The following ERICH5 variants were observed in gnomAD, a reference collection of about 807,000 sequenced individuals.
ERICH5 encodes the protein glutamate-rich protein 5.
A neutral mutation model predicts 28.0 loss-of-function variants in ERICH5; 24 were observed. The ratio of observed to expected loss-of-function variants is 0.86; its 90% confidence interval spans 0.62 to 1.21. The LOEUF (loss-of-function observed/expected upper bound fraction) is 1.21, where lower values mean the gene tolerates loss of function less well. Ranked by LOEUF, ERICH5 falls within the 50% of genes most tolerant of loss-of-function variation. ERICH5 has a pLI of 0.00. For missense variants in ERICH5, 421 were observed against 441.2 expected (o/e 0.95, Z 0.41); for synonymous variants, 163 against 157.6 (o/e 1.03, Z -0.25).
rs547043458 is a variant in ERICH5 at position 98,076,488 on chromosome 8, C to A, written c.58+11761C>A. On this transcript the variant is annotated intron_variant, in intron 1 of 2. Transcript: ENST00000318528. The stretch of plus-strand genomic sequence containing the variant: ...AGGAAGCTTGGGAAAAAATCTCACT[C>A]CCCAGCGTGGAGCTCACTTAAACCA... Among the ~76,000 whole-genome samples, 3 of 151,862 alleles carry A rather than the reference C, an allele frequency of 2.0e-5. No individual in the cohort carries two copies. The East Asian group carries it at 5.8e-4, about 29-fold the overall frequency.
intron 1 of ERICH5, among the ~76,000 whole-genome samples, chr8:98,076,285 C>T (rs769178358): frequency 2.6e-5 from 4 of 151,710 alleles, no homozygotes; most frequent in Non-Finnish European, 5.9e-5. Flanking sequence ...AACTCCTGAC[C>T]TCAAGTGATT....
intron 1 of ERICH5, among the ~76,000 whole-genome samples, chr8:98,071,125 G>A (rs1814910554): frequency 6.6e-6 from 1 of 152,038 alleles, no homozygotes; most frequent in Non-Finnish European, 1.5e-5. Context: ...TTTTCTGGAC[G>A]TGGTGGCAGC....
At chr8:98,092,743 C>T (rs1815428999) in intron 2 of ERICH5, among the ~76,000 whole-genome samples, 1 of 151,682 alleles carries the variant, frequency 6.6e-6, no homozygotes, top group African/African-American at 2.4e-5. Context: ...CATTCAGAGG[C>T]TCTGAGAGAA....
At chr8:98,072,295 G>A (rs984424530) in intron 1 of ERICH5, among the ~76,000 whole-genome samples, 5 of 152,152 alleles carry the variant, frequency 3.3e-5, no homozygotes, top group African/African-American at 1.2e-4. Context: ...GAAGTGTGAT[G>A]CACAAATATC....
chr8:98,081,771 A>G (rs559144598), intron 1 of ERICH5, among the ~76,000 whole-genome samples: 2 of 152,218 alleles, frequency 1.3e-5, no homozygotes, highest in African/African-American at 4.8e-5. Context: ...TCTACTAAAA[A>G]TACAAAATTA....
At position 98,068,620 on chromosome 8, in the gene ERICH5, G is replaced by A. The variant is rs565950776; in HGVS notation, c.58+3893G>A. ...TTTTATTGACTCCACAGACCTTAAT[G>A]TGCCTGAAGGTGTCTATAGACGTTC... On this transcript the variant is annotated intron_variant, in intron 1 of 2. Transcript: ENST00000318528. Among the ~76,000 whole-genome samples the A allele has an allele frequency of 4.2e-4, 64 of 152,268 alleles. 1 individual carries two copies. In the South Asian group the frequency reaches 0.012, roughly 30 times the overall value.
At chr8:98,091,949 C>CTTCT (rs3074388) in intron 2 of ERICH5, among the ~76,000 whole-genome samples, 79,882 of 101,650 alleles carry the variant, frequency 0.79, 30,228 homozygotes, top group Middle Eastern at 0.84. Flanking sequence ...TTCTTTCTTT[C>CTTCT]TTCTTTCTTT....
At chr8:98,066,248 A>AT in intron 1 of ERICH5, among the ~76,000 whole-genome samples, 1 of 152,118 alleles carries the variant, frequency 6.6e-6, no homozygotes, top group Non-Finnish European at 1.5e-5. Flanking sequence ...TCTATGATAG[A>AT]TTTTTGTGGG....
In ERICH5 at chr8:98,089,762, T is replaced by C. The variant is rs769404309; in HGVS notation, c.745T>C (p.Leu249=). The C allele has an allele frequency of 1.1e-5, 17 of 1,613,958 alleles. No homozygotes were observed. The highest frequency in any genetic ancestry group is 8.0e-5 in the African/African-American group (6 of 74,876). The change falls in exon 2 of 3, where the codon TTG becomes CTG. Residue 249 remains leucine, a synonymous_variant. Coordinates refer to ENST00000318528, the MANE Select transcript of ERICH5 (RefSeq NM_173549.3). ...TGAAGAGCAGCAACTTCAGGCAACATTGGGAAAAGAGGAGCAGCCCCAGCT... is the reference window on the plus strand; with the variant it reads ...TGAAGAGCAGCAACTTCAGGCAACACTGGGAAAAGAGGAGCAGCCCCAGCT... ...TAEEQQLQAT[L]GKEEQPQLLE... is the part of the protein sequence containing the mutation.
In ERICH5 at chr8:98,093,108, T is replaced by G. The variant is rs1267574590; in HGVS notation, c.1013-113T>G. On this transcript the variant is annotated intron_variant, in intron 2 of 2. Coordinates refer to ENST00000318528, the MANE Select transcript of ERICH5 (RefSeq NM_173549.3). Reference sequence around the variant, plus strand: ...CTTTTCTTGATACCCCCAGAGAAACTTACTGCTTAGACCTGAAGATCAAGA... The same window carrying G: ...CTTTTCTTGATACCCCCAGAGAAACGTACTGCTTAGACCTGAAGATCAAGA... The G allele has an allele frequency of 6.1e-6, 4 of 660,006 alleles. No homozygotes were observed. In the African/African-American group the frequency reaches 7.4e-5, roughly 12 times the overall value. 40.9% of individuals were successfully genotyped at this position (660,006 alleles called of 1,614,324 possible).
rs768692571 is a variant in ERICH5 at position 98,089,271 on chromosome 8, CCAAGGACGTAGCCCCTGGA to C, written c.255_273del (p.Lys86GlyfsTer52). 6.2e-7 allele frequency: 1 copy of C among 1,614,190 alleles called. No individual in the cohort carries two copies. Among genetic ancestry groups the C allele is most frequent in the Non-Finnish European group, 8.5e-7 (1 of 1,180,034 alleles). On this transcript the variant is annotated frameshift_variant, in exon 2 of 3. Coordinates refer to ENST00000318528, the MANE Select transcript of ERICH5 (RefSeq NM_173549.3). LOFTEE classifies it high-confidence loss of function. The stretch of plus-strand genomic sequence containing the variant: ...AAACCCCTCCAAGAACAGCCCCTGG[CCAAGGACGTAGCCCCTGGA>C]AGGGATGCCACAGACCAATCAGGGT...
chr8:98,064,724 A>G lies in ERICH5; in HGVS notation c.55A>G (p.Ser19Gly). The G allele has an allele frequency of 6.5e-7, 1 of 1,530,988 alleles. No homozygotes were observed. The highest frequency in any genetic ancestry group is 8.8e-7 in the Non-Finnish European group (1 of 1,142,012). 94.8% of individuals were successfully genotyped at this position (1,530,988 alleles called of 1,614,324 possible). A position where few individuals can be genotyped will look rare whatever the true frequency, so the allele number is the denominator to read the frequency against. Residue 19 changes from serine to glycine, a missense_variant, in exon 1 of 3, where the codon AGC becomes GGC. Transcript: ENST00000318528. The stretch of plus-strand genomic sequence containing the variant: ...GGCCGGCGACAGCAGCAGGTTCCCC[A>G]GCGGTGAGCAGGGTACCGGCGCCGC... ...NKAGDSSRFP[S>G]VTSNEHFSTA...
chr8:98,079,601 G>A (rs991964204), intron 1 of ERICH5, among the ~76,000 whole-genome samples: 2 of 152,084 alleles, frequency 1.3e-5, no homozygotes, highest in East Asian at 1.9e-4. Flanking sequence ...GTGCAGTGGC[G>A]CAATCTTGGC....
At chr8:98,086,538 A>C (rs1204480502) in intron 1 of ERICH5, among the ~76,000 whole-genome samples, 1 of 152,258 alleles carries the variant, frequency 6.6e-6, no homozygotes, top group African/African-American at 2.4e-5. Flanking sequence ...TAATAGCTTA[A>C]TATATGGCTC....
chr8:98,079,496 C>G (rs1461905672), intron 1 of ERICH5, among the ~76,000 whole-genome samples: 2 of 152,102 alleles, frequency 1.3e-5, no homozygotes, highest in Non-Finnish European at 2.9e-5. Context: ...TAACACCAAT[C>G]AAGTTTAGTT....
intron 1 of ERICH5, among the ~76,000 whole-genome samples, chr8:98,071,233 C>T (rs57646963): frequency 0.024 from 3,655 of 152,120 alleles, 151 homozygotes; most frequent in African/African-American, 0.084. Flanking sequence ...GCAGAGATCA[C>T]GCCATTGCAC....
rs760470751 is a variant in ERICH5, at chr8:98,085,136, C to CTTTTTTTTTTTTTTTTTTTTTTTTTTT, written c.59-3924_59-3898dup. Among the ~76,000 whole-genome samples, 2 of 57,240 alleles carry CTTTTTTTTTTTTTTTTTTTTTTTTTTT rather than the reference C, an allele frequency of 3.5e-5. 1 individual carries two copies. The highest frequency in any genetic ancestry group is 7.0e-5 in the Non-Finnish European group (2 of 28,396). The allele number at this position is 57,240 out of a possible 152,430, so 37.6% of individuals were successfully genotyped here. ...TTCCCTGGTGTGAACGTTCCACAGC[C>CTTTTTTTTTTTTTTTTTTTTTTTTTTT]TTTTTTTTTTTTTTTTTTTTTTTTT... is the stretch of plus-strand genomic sequence containing the variant. On this transcript the variant is annotated intron_variant, in intron 1 of 2. Transcript: ENST00000318528.
intron 1 of ERICH5, among the ~76,000 whole-genome samples, chr8:98,076,390 C>CT (rs58330802): frequency 0.22 from 32,149 of 142,972 alleles, 3,946 homozygotes; most frequent in Non-Finnish European, 0.28. Context: ...ATTAGAAGGC[C>CT]TTTTTTTTTT....
rs1563759735 is a variant in ERICH5 at position 98,091,955 on chromosome 8, T to TCTTTCTTTC, written c.1013-1258_1013-1257insCCTTTCTTT. ...TTTCTTCCTTTCTTTCTTTCTTCTT[T>TCTTTCTTTC]CTTTCTTTTTTCTTTCTTTTTCTTC... On this transcript the variant is annotated intron_variant, in intron 2 of 2. Coordinates refer to ENST00000318528, the MANE Select transcript of ERICH5 (RefSeq NM_173549.3). Among the ~76,000 whole-genome samples the TCTTTCTTTC allele has an allele frequency of 1.2e-3, 151 of 124,964 alleles. 3 individuals are homozygous for TCTTTCTTTC. Among genetic ancestry groups the TCTTTCTTTC allele is most frequent in the African/African-American group, 4.1e-3 (138 of 34,034 alleles). The allele number at this position is 124,964 out of a possible 152,430, so 82.0% of individuals were successfully genotyped here.
Sources: allele counts gnomAD v4.1 joint callset (sites outside exome capture counted in the v4.1 genomes callset), GRCh38; gene constraint gnomAD v4.1.1; transcripts MANE v1.5; gene names NCBI Gene and HGNC (gene_info 2026-07-23, HGNC 2026-07-21).